Variants in STPG2 observed in about 807,000 individuals in gnomAD.
STPG2 encodes sperm tail PG-rich repeat containing 2, also known as sperm-tail PG-rich repeat-containing protein 2.
A neutral mutation model predicts 54.2 loss-of-function variants in STPG2; 56 were observed. That is an observed-to-expected ratio of 1.03 (90% CI 0.83 to 1.29). STPG2 has a LOEUF of 1.29. STPG2 is among the 50% of genes most tolerant of loss of function. The pLI is 0.00. For missense variants in STPG2, 596 were observed against 544.9 expected (o/e 1.09, Z -0.93); for synonymous variants, 200 against 181.8 (o/e 1.10, Z -0.81).
chr4:97,605,832 T>C (rs1258749971), intron 10 of STPG2, among the ~76,000 whole-genome samples: 1 of 151,182 alleles, frequency 6.6e-6, no homozygotes, highest in Admixed American at 6.6e-5. Flanking sequence ...AAAAAAAATC[T>C]GTGTTTAGAA....
chr4:97,965,169 C>G (rs1007072587), intron 7 of STPG2, among the ~76,000 whole-genome samples: 1 of 152,186 alleles, frequency 6.6e-6, no homozygotes, highest in Non-Finnish European at 1.5e-5. Flanking sequence ...TCTTAGCAAC[C>G]GACAGACCAG....
chr4:97,799,974 C>A (rs1024258321), intron 9 of STPG2, among the ~76,000 whole-genome samples: 1 of 152,164 alleles, frequency 6.6e-6, no homozygotes, highest in Non-Finnish European at 1.5e-5. Context: ...TTGATCAAAT[C>A]GGCTGCTGAA....
At chr4:97,866,572 T>C (rs1314008494) in intron 8 of STPG2, among the ~76,000 whole-genome samples, 2 of 151,982 alleles carry the variant, frequency 1.3e-5, no homozygotes. Flanking sequence ...ATTATCTCAT[T>C]GTCTTCTGGC....
At chr4:97,447,112 C>A (rs141760758) in intron 4 of STPG2, among the ~76,000 whole-genome samples, 3 of 152,178 alleles carry the variant, frequency 2.0e-5, no homozygotes, top group African/African-American at 4.8e-5. Context: ...CATATGGAGA[C>A]GAGGAACTCA....
intron 9 of STPG2, among the ~76,000 whole-genome samples, chr4:97,830,883 G>A (rs1406282109): frequency 1.3e-5 from 2 of 152,114 alleles, no homozygotes; most frequent in African/African-American, 4.8e-5. Context: ...CAAATTCTTA[G>A]AGACCTACAA....
chr4:97,961,447 A>C (rs1467195788), intron 7 of STPG2, among the ~76,000 whole-genome samples: 1 of 152,202 alleles, frequency 6.6e-6, no homozygotes, highest in Non-Finnish European at 1.5e-5. Flanking sequence ...GAAAATCATC[A>C]TAATCTATAC....
In STPG2 at chr4:97,687,482, G is replaced by A. The variant is rs573103578; in HGVS notation, c.1320+25217C>T. ...AGCTTCCAGAATAGCTGGGATTACA[G>A]GCGCATGCCACCATGCCCAGCTAAT... On this transcript the variant is annotated intron_variant, in intron 10 of 10. Coordinates refer to ENST00000295268, the MANE Select transcript of STPG2 (RefSeq NM_174952.3). Among the ~76,000 whole-genome samples, 239 of 152,174 alleles carry A rather than the reference G, an allele frequency of 1.6e-3. 2 individuals are homozygous for A. Among genetic ancestry groups the A allele is most frequent in the Non-Finnish European group, 1.7e-3 (113 of 68,014 alleles).
At chr4:97,473,803 T>A (rs1730004595) in intron 4 of STPG2, among the ~76,000 whole-genome samples, 1 of 152,074 alleles carries the variant, frequency 6.6e-6, no homozygotes, top group African/African-American at 2.4e-5. Flanking sequence ...AAAATTTCTC[T>A]CTTTTGTACT....
chr4:97,643,199 A>C (rs1164502515), intron 10 of STPG2, among the ~76,000 whole-genome samples: 2 of 151,570 alleles, frequency 1.3e-5, no homozygotes, highest in Non-Finnish European at 3.0e-5. Context: ...TTAATGGAAA[A>C]ATTTTTAAAA....
At chr4:97,572,549 T>A (rs1732626459) in intron 10 of STPG2, 1 of 152,176 alleles carries the variant, frequency 6.6e-6, no homozygotes. Flanking sequence ...TATTTGAAAA[T>A]GAATCTTTGG....
At chr4:97,741,637 A>G (rs1156807222) in intron 9 of STPG2, among the ~76,000 whole-genome samples, 1 of 152,250 alleles carries the variant, frequency 6.6e-6, no homozygotes, top group Non-Finnish European at 1.5e-5. Flanking sequence ...TGGCCATCAG[A>G]GAAATGCAAA....
chr4:97,703,079 C>T (rs1723826453), intron 10 of STPG2, among the ~76,000 whole-genome samples: 1 of 151,960 alleles, frequency 6.6e-6, no homozygotes, highest in African/African-American at 2.4e-5. Context: ...TTCCTTGGTT[C>T]TCCGCATATG....
chr4:97,559,256 T>A, intron 10 of STPG2, 139 bp from the exon 11 acceptor site: 1 of 590,598 alleles, frequency 1.7e-6, no homozygotes, highest in Non-Finnish European at 2.9e-6. Flanking sequence ...TATAATCTAC[T>A]TACATCGATA....
intron 6 of STPG2, among the ~76,000 whole-genome samples, chr4:97,974,056 C>T (rs1035499508): frequency 2.0e-5 from 3 of 152,190 alleles, no homozygotes; most frequent in Non-Finnish European, 2.9e-5. Context: ...GGGAGGGAGG[C>T]TGTATCCTGC....
At chr4:97,567,553 A>G (rs1363293861) in intron 10 of STPG2, among the ~76,000 whole-genome samples, 6 of 151,710 alleles carry the variant, frequency 4.0e-5, no homozygotes, top group Non-Finnish European at 7.4e-5. Context: ...GCACAAGGCT[A>G]TTAATTTCAG....
chr4:97,840,855 A>G lies in STPG2; in HGVS notation c.1122T>C (p.Pro374=), dbSNP rs753667258. Residue 374 remains proline (P), a synonymous_variant, in exon 9 of 11, where the codon CCT becomes CCC. Transcript: ENST00000295268. ...GTTTTCTTTTAGCCACTAAACTACG[A>G]GGTGGCATATATTTATGCTTAACTT... ...MSQVKHKYMP[P]RSLVAKRKHA... is the part of the protein sequence containing the mutation. The G allele has an allele frequency of 6.2e-7, 1 of 1,612,226 alleles. No individual in the cohort carries two copies. Among genetic ancestry groups the G allele is most frequent in the Non-Finnish European group, 8.5e-7 (1 of 1,178,674 alleles).
chr4:97,454,287 GT>G (rs1729453751), intron 4 of STPG2, among the ~76,000 whole-genome samples: 2 of 151,534 alleles, frequency 1.3e-5, no homozygotes, highest in Non-Finnish European at 2.9e-5. Flanking sequence ...GCCGAGGCGG[GT>G]GGATCATGAG....
chr4:97,801,624 G>C (rs376769865), intron 9 of STPG2, among the ~76,000 whole-genome samples: 1 of 152,128 alleles, frequency 6.6e-6, no homozygotes, highest in African/African-American at 2.4e-5. Context: ...GCAGAAAGTA[G>C]CTCATATTAA....
At chr4:97,865,350 C>G (rs988468863) in intron 8 of STPG2, among the ~76,000 whole-genome samples, 2 of 152,192 alleles carry the variant, frequency 1.3e-5, no homozygotes, top group African/African-American at 4.8e-5. Context: ...AAATGCTCAT[C>G]ATCACTGGCC....
Sources: allele counts gnomAD v4.1 joint callset (sites outside exome capture counted in the v4.1 genomes callset), GRCh38; gene constraint gnomAD v4.1.1; transcripts MANE v1.5; gene names NCBI Gene and HGNC (gene_info 2026-07-23, HGNC 2026-07-21).